Variants in PCDHGB3 observed in about 807,000 individuals in gnomAD.
PCDHGB3 encodes protocadherin gamma-B3.
In PCDHGB3, 40 loss-of-function variants were observed where a neutral mutation model predicts 59.2. The observed-to-expected ratio is 0.68, with a 90% confidence interval of 0.52 to 0.88. PCDHGB3 has a LOEUF of 0.88. PCDHGB3 is among the 40% of genes least tolerant of loss of function. The pLI is 0.00. For missense variants in PCDHGB3, 1,309 were observed against 1,187.9 expected (o/e 1.10, Z -1.50); for synonymous variants, 581 against 503.6 (o/e 1.15, Z -2.06).
chr5:141,510,944 C>T lies in PCDHGB3; in HGVS notation c.2564-3C>T, dbSNP rs772921698. 2 of 1,614,120 alleles carry T rather than the reference C, an allele frequency of 1.2e-6. No individual in the cohort carries two copies. Among genetic ancestry groups the T allele is most frequent in the South Asian group, 2.2e-5 (2 of 91,080 alleles). On this transcript the variant is annotated splice_region_variant and splice_polypyrimidine_tract_variant and intron_variant, in intron 3 of 3. Transcript: ENST00000576222. Reference sequence around the variant, plus strand: ...CCCACCTGATCTTCCTCTGTCTCTGCAGAAGCTGCTGATGGGAGCTCCACC... The same window carrying T: ...CCCACCTGATCTTCCTCTGTCTCTGTAGAAGCTGCTGATGGGAGCTCCACC...
At chr5:141,401,076 G>T (rs1589429931) in intron 1 of PCDHGB3, among the ~76,000 whole-genome samples, 1 of 152,174 alleles carries the variant, frequency 6.6e-6, no homozygotes, top group Non-Finnish European at 1.5e-5. Context: ...GGGTGCAGTG[G>T]CTCATGCCTG....
Position 141,370,526 on chromosome 5 carries a change from C to A in PCDHGB3, c.132C>A (p.Gly44=). ...CTATTCCCGAGGAGCTGGACAGGGG[C>A]TCGCTGGTAGGGAACCTCGCCAAGG... ...RYAIPEELDR[G]SLVGNLAKDL... is the part of the protein sequence containing the mutation. Residue 44 remains glycine, a synonymous_variant, in exon 1 of 4, where the codon GGC becomes GGA. Transcript: ENST00000576222. The A allele has an allele frequency of 1.2e-6, 2 of 1,613,860 alleles. No individual in the cohort carries two copies. Among genetic ancestry groups the A allele is most frequent in the Non-Finnish European group, 8.5e-7 (1 of 1,179,800 alleles).
At chr5:141,385,577 T>A in intron 1 of PCDHGB3, 1 of 1,290,108 alleles carries the variant, frequency 7.8e-7, no homozygotes, top group Non-Finnish European at 9.8e-7. Context: ...TACTTTCCAA[T>A]CTATGTTCCA....
rs75309884 is a variant in PCDHGB3, at chr5:141,382,670, T to C, written c.2415+9861T>C. On this transcript the variant is annotated intron_variant, in intron 1 of 3. Coordinates refer to ENST00000576222, the MANE Select transcript of PCDHGB3 (RefSeq NM_018924.5). ...TTAGTAAGGACTCACAGCGCCGCTG[T>C]TCACCAACCAGGGAAAAATGGTGCG... 662 of 433,180 alleles carry C rather than the reference T, an allele frequency of 1.5e-3. 2 individuals are homozygous for C. Among genetic ancestry groups the C allele is most frequent in the Non-Finnish European group, 2.1e-3 (522 of 246,008 alleles). 26.8% of individuals were successfully genotyped at this position (433,180 alleles called of 1,614,324 possible).
At chr5:141,473,236 A>G (rs1314160781) in intron 1 of PCDHGB3, among the ~76,000 whole-genome samples, 1 of 152,200 alleles carries the variant, frequency 6.6e-6, no homozygotes, top group Non-Finnish European at 1.5e-5. Flanking sequence ...GGATCCACAC[A>G]AGTGAATACA....
At chr5:141,422,041 G>T in intron 1 of PCDHGB3, 3 of 1,611,632 alleles carry the variant, frequency 1.9e-6, no homozygotes, top group South Asian at 1.1e-5. Context: ...GGATCCAGAC[G>T]AGGGAATCAA....
At position 141,432,432 on chromosome 5, in the gene PCDHGB3, A is replaced by G. The variant is rs1431760497; in HGVS notation, c.2415+59623A>G. On this transcript the variant is annotated intron_variant, in intron 1 of 3. Transcript: ENST00000576222. This position sits in a 1 kb window ranked among gnomAD's most constrained non-coding sequence, Gnocchi z 6.0. ...CTGTTCGTGCTGGACCAGAACGACA[A>G]TGCGCCCGAGATCCTGTACCCCGCC... The G allele has an allele frequency of 2.5e-6, 4 of 1,614,156 alleles. No homozygotes were observed. Among genetic ancestry groups the G allele is most frequent in the Non-Finnish European group, 3.4e-6 (4 of 1,180,028 alleles).
In PCDHGB3 at chr5:141,486,667, G is replaced by A; in HGVS notation, c.2416-8140G>A. On this transcript the variant is annotated intron_variant, in intron 1 of 3. Coordinates refer to ENST00000576222, the MANE Select transcript of PCDHGB3 (RefSeq NM_018924.5). The surrounding 1 kb of genome is among the most constrained non-coding windows in gnomAD (Gnocchi z 5.0). ...TCTCCTACTCACTCCTGGAGCCCAG[G>A]AATCGAGATGTATCAGCTTCCTCTT... 4 of 1,613,948 alleles carry A rather than the reference G, an allele frequency of 2.5e-6. No individual in the cohort carries two copies. Among genetic ancestry groups the A allele is most frequent in the Non-Finnish European group, 3.4e-6 (4 of 1,180,014 alleles).
chr5:141,428,167 G>GCGTGA (rs746443726), intron 1 of PCDHGB3: 3 of 1,548,998 alleles, frequency 1.9e-6, no homozygotes, highest in South Asian at 1.1e-5. Context: ...TGGTTGCTGT[G>GCGTGA]CGTGACGGAG....
Position 141,371,294 on chromosome 5 carries a change from A to T in PCDHGB3, c.900A>T (p.Glu300Asp). 2 of 1,614,012 alleles carry T rather than the reference A, an allele frequency of 1.2e-6. No homozygotes were observed. Among genetic ancestry groups the T allele is most frequent in the Non-Finnish European group, 1.7e-6 (2 of 1,179,892 alleles). ...TCAAGCTGGACAGTAAAACGGGGGA[A>T]CTCACCACTATTGGAGAACTGGACT... ...QLFKLDSKTG[E>D]LTTIGELDFE... is the part of the protein sequence containing the mutation. Residue 300 changes from glutamate to aspartate, a missense_variant, in exon 1 of 4, where the codon GAA (glutamate) becomes GAT (aspartate). By Grantham distance (45) the Glu-to-Asp change is conservative. Coordinates refer to ENST00000576222, the MANE Select transcript of PCDHGB3 (RefSeq NM_018924.5).
chr5:141,420,547 G>A (rs898726649), intron 1 of PCDHGB3: 1 of 278,678 alleles, frequency 3.6e-6, no homozygotes, highest in Non-Finnish European at 6.4e-6. Context: ...TAAAATACAG[G>A]TATATTTTTA....
intron 2 of PCDHGB3, among the ~76,000 whole-genome samples, chr5:141,496,125 T>C (rs1318749514): frequency 6.8e-6 from 1 of 146,032 alleles, no homozygotes; most frequent in Non-Finnish European, 1.5e-5. Context: ...TCCCTGCCCC[T>C]CACACACTGA....
intron 1 of PCDHGB3, among the ~76,000 whole-genome samples, chr5:141,479,060 T>G (rs980468382): frequency 5.9e-5 from 9 of 152,248 alleles, no homozygotes; most frequent in Non-Finnish European, 1.3e-4. Context: ...CAGATAATTT[T>G]TTATGAATGA....
chr5:141,459,284 A>C (rs2098965103), intron 1 of PCDHGB3, among the ~76,000 whole-genome samples: 1 of 152,174 alleles, frequency 6.6e-6, no homozygotes, highest in African/African-American at 2.4e-5. Flanking sequence ...ATTTCATCTA[A>C]ATGGAATCCT....
At chr5:141,397,904 G>A in intron 1 of PCDHGB3, 1 of 657,312 alleles carries the variant, frequency 1.5e-6, no homozygotes, top group Non-Finnish European at 2.5e-6. Flanking sequence ...TGCAGAGCTT[G>A]GCGCTCCAGA....
intron 1 of PCDHGB3, among the ~76,000 whole-genome samples, chr5:141,380,036 A>G (rs956010393): frequency 3.3e-5 from 5 of 151,364 alleles, no homozygotes; most frequent in African/African-American, 1.2e-4. Flanking sequence ...AGTAGCTGGG[A>G]TTACAGGTGC....
intron 1 of PCDHGB3, among the ~76,000 whole-genome samples, chr5:141,481,065 A>AAAAG (rs1476331686): frequency 6.6e-6 from 1 of 152,164 alleles, no homozygotes; most frequent in African/African-American, 2.4e-5. Context: ...CTCAAAAACA[A>AAAAG]AAAGAAAGAA....
intron 1 of PCDHGB3, chr5:141,385,316 G>A: frequency 1.2e-6 from 2 of 1,610,350 alleles, no homozygotes; most frequent in Non-Finnish European, 1.7e-6. Flanking sequence ...AACCTGCCAA[G>A]TATTCAGGTG....
chr5:141,383,077 G>A (rs1415482680), intron 1 of PCDHGB3: 2 of 1,613,774 alleles, frequency 1.2e-6, no homozygotes, highest in African/African-American at 2.7e-5. Flanking sequence ...CCGGGAGCTG[G>A]CGGAGCGCGG....
Sources: gnomAD v4.1 joint callset for allele counts (sites outside exome capture counted in the v4.1 genomes callset) on GRCh38, gnomAD v4.1.1 for gene constraint, Gnocchi (gnomAD v3.1) non-coding constraint, MANE v1.5 for transcripts, NCBI Gene and HGNC (gene_info 2026-07-23, HGNC 2026-07-21) for gene names.